SAXO1: variants seen among roughly 807,000 people sequenced by gnomAD.
SAXO1 encodes stabilizer of axonemal microtubules 1, also known as 4930500O09Rik.
SAXO1 carries 21 observed loss-of-function variants against 17.5 expected under a neutral mutation model. That is an observed-to-expected ratio of 1.20 (90% CI 0.85 to 1.72). The LOEUF (loss-of-function observed/expected upper bound fraction) is 1.72. Among genes scored for constraint, SAXO1 ranks in the 40% most tolerant of loss-of-function variants. The pLI is 0.00. For missense variants in SAXO1, 843 were observed against 596.0 expected (o/e 1.41, Z -4.32); for synonymous variants, 274 against 216.5 (o/e 1.27, Z -2.33).
chr9:19,039,231 C>G (rs976024081), intron 1 of SAXO1, among the ~76,000 whole-genome samples: 1 of 151,928 alleles, frequency 6.6e-6, no homozygotes, highest in African/African-American at 2.4e-5. Context: ...CCCAAGAATA[C>G]AAGGTGGTTT....
At chr9:19,002,959 A>G (rs60596351) in intron 1 of SAXO1, among the ~76,000 whole-genome samples, 15,110 of 152,210 alleles carry the variant, frequency 0.099, 1,125 homozygotes, top group African/African-American at 0.21. Flanking sequence ...AATTGTCTCT[A>G]TTTGCATATG....
chr9:18,950,386 C>A (rs1273282187), intron 2 of SAXO1, among the ~76,000 whole-genome samples: 1 of 152,186 alleles, frequency 6.6e-6, no homozygotes, highest in Admixed American at 6.5e-5. Flanking sequence ...CCTACCCAAG[C>A]TGGCCTGGAG....
At chr9:19,013,567 GAC>G (rs1275744058) in intron 1 of SAXO1, among the ~76,000 whole-genome samples, 1 of 74,552 alleles carries the variant, frequency 1.3e-5, no homozygotes, top group Non-Finnish European at 2.4e-5. Context: ...TTTTTTTTGA[GAC>G]AGAGTCTGGC....
intron 1 of SAXO1, among the ~76,000 whole-genome samples, chr9:18,969,615 A>G (rs1198586531): frequency 1.3e-5 from 2 of 152,192 alleles, no homozygotes; most frequent in East Asian, 3.9e-4. Context: ...TTATCACCCA[A>G]ACTAGATTCC....
chr9:19,047,376 A>G (rs576319825), intron 1 of SAXO1, among the ~76,000 whole-genome samples: 32 of 152,294 alleles, frequency 2.1e-4, no homozygotes, highest in African/African-American at 7.7e-4. Context: ...AAAAAAAGAA[A>G]AAAAATACAT....
chr9:18,957,423 G>A (rs1832298137), intron 1 of SAXO1, among the ~76,000 whole-genome samples: 1 of 152,152 alleles, frequency 6.6e-6, no homozygotes, highest in Non-Finnish European at 1.5e-5. Context: ...GTCAGCAGCA[G>A]CCTTCACGCC....
intron 1 of SAXO1, among the ~76,000 whole-genome samples, chr9:19,004,210 T>G (rs1449038572): frequency 6.6e-6 from 1 of 152,092 alleles, no homozygotes; most frequent in Non-Finnish European, 1.5e-5. Context: ...GTTAGAATGG[T>G]GTTCATTAAA....
intron 2 of SAXO1, among the ~76,000 whole-genome samples, chr9:18,944,773 G>C (rs959170952): frequency 6.6e-6 from 1 of 152,154 alleles, no homozygotes; most frequent in Non-Finnish European, 1.5e-5. Flanking sequence ...AGGAAATAAC[G>C]TAACAGTGAG....
At chr9:18,940,608 G>C (rs775521940) in intron 3 of SAXO1, among the ~76,000 whole-genome samples, 1 of 152,184 alleles carries the variant, frequency 6.6e-6, no homozygotes, top group South Asian at 2.1e-4. Flanking sequence ...ACAGCATTTA[G>C]AGGTCCGTGA....
intron 3 of SAXO1, among the ~76,000 whole-genome samples, chr9:18,935,019 C>T (rs547977676): frequency 2.0e-5 from 3 of 152,268 alleles, no homozygotes; most frequent in Admixed American, 6.5e-5. Context: ...CTCCGCCTTC[C>T]CGGGTTCAAG....
intron 1 of SAXO1, among the ~76,000 whole-genome samples, chr9:18,980,015 G>A (rs2131817394): frequency 1.3e-5 from 2 of 152,270 alleles, no homozygotes; most frequent in South Asian, 4.1e-4. Context: ...ACAGAGCCTG[G>A]TGGTATAACT....
intron 1 of SAXO1, among the ~76,000 whole-genome samples, chr9:19,012,392 T>A (rs13284512): frequency 8.5e-5 from 13 of 152,080 alleles, no homozygotes; most frequent in Admixed American, 5.2e-4. Context: ...AATCCTTAGG[T>A]CTGAATTATT....
chr9:18,983,832 A>G (rs1833489942), intron 1 of SAXO1, among the ~76,000 whole-genome samples: 1 of 152,212 alleles, frequency 6.6e-6, no homozygotes. Context: ...AGAATGATGA[A>G]TCCTTTCCAG....
chr9:18,971,276 T>C (rs756641240), intron 1 of SAXO1, among the ~76,000 whole-genome samples: 1 of 152,074 alleles, frequency 6.6e-6, no homozygotes, highest in Non-Finnish European at 1.5e-5. Flanking sequence ...CAAAACTGAA[T>C]ATTCCCCATG....
At chr9:19,046,010 C>T (rs754225296) in intron 1 of SAXO1, among the ~76,000 whole-genome samples, 5 of 145,038 alleles carry the variant, frequency 3.4e-5, no homozygotes, top group Non-Finnish European at 5.9e-5. Flanking sequence ...ATCACTTGAA[C>T]CTGGGAGGCG....
chr9:19,046,885 T>C (rs1018346121), intron 1 of SAXO1, among the ~76,000 whole-genome samples: 1 of 150,920 alleles, frequency 6.6e-6, no homozygotes, highest in Admixed American at 6.6e-5. Context: ...ATTTAAAAAA[T>C]TTTTTTAAAA....
chr9:18,975,619 T>A (rs927505796), intron 1 of SAXO1, among the ~76,000 whole-genome samples: 1 of 152,232 alleles, frequency 6.6e-6, no homozygotes, highest in Non-Finnish European at 1.5e-5. Flanking sequence ...CCAGGCATAG[T>A]GACTAGTGAG....
At chr9:19,043,590 G>A (rs1453305293) in intron 1 of SAXO1, among the ~76,000 whole-genome samples, 2 of 151,730 alleles carry the variant, frequency 1.3e-5, no homozygotes, top group Non-Finnish European at 2.9e-5. Flanking sequence ...AACATAGTGG[G>A]ATCCTGTCTC....
chr9:18,991,131 G>A (rs1334142327), intron 1 of SAXO1, among the ~76,000 whole-genome samples: 1 of 152,096 alleles, frequency 6.6e-6, no homozygotes, highest in African/African-American at 2.4e-5. Flanking sequence ...GGTGGTGCAT[G>A]CCTGTAATCC....
Sources: allele counts gnomAD v4.1 joint callset (sites outside exome capture counted in the v4.1 genomes callset), GRCh38; gene constraint gnomAD v4.1.1; transcripts MANE v1.5; gene names NCBI Gene and HGNC (gene_info 2026-07-23, HGNC 2026-07-21).